Variants in NBAS observed in about 807,000 individuals in gnomAD.
NBAS encodes the protein NBAS subunit of NRZ tethering complex, also known as NAG/BC035112 fusion.
A neutral mutation model predicts 302.5 loss-of-function variants in NBAS; 219 were observed. The observed-to-expected ratio is 0.72, with a 90% CI of 0.65 to 0.81. NBAS has a LOEUF of 0.81. NBAS is among the 30% of genes least tolerant of loss of function. The probability of loss-of-function intolerance (pLI) is 0.00; values close to 1 mark genes in which losing one functional copy is unlikely to be tolerated. For synonymous variants in NBAS, 1,118 were observed against 1,021.6 expected (o/e 1.09, Z -1.80); for missense variants, 2,932 against 2,841.6 (o/e 1.03, Z -0.72).
chr2:15,175,552 TAGAG>T (rs1241779644), intron 51 of NBAS, among the ~76,000 whole-genome samples: 1 of 152,206 alleles, frequency 6.6e-6, no homozygotes, highest in Non-Finnish European at 1.5e-5. Context: ...TTGCCCATCT[TAGAG>T]AGAATACGGT....
chr2:15,297,304 G>A (rs529019479), intron 40 of NBAS, among the ~76,000 whole-genome samples: 1 of 152,222 alleles, frequency 6.6e-6, no homozygotes, highest in South Asian at 2.1e-4. Context: ...AAAATACAAG[G>A]CTCTTGATTG....
chr2:15,216,859 A>T (rs1213020824), intron 48 of NBAS, among the ~76,000 whole-genome samples: 1 of 152,248 alleles, frequency 6.6e-6, no homozygotes, highest in East Asian at 1.9e-4. Context: ...CAGAGAAATC[A>T]GCCTCATCAT....
chr2:15,264,070 G>A (rs527995810), intron 44 of NBAS, among the ~76,000 whole-genome samples: 13 of 152,290 alleles, frequency 8.5e-5, no homozygotes, highest in East Asian at 3.9e-4. Context: ...GAGCTTATAC[G>A]ATGAAGAAAG....
chr2:15,350,448 A>G (rs1338056747), intron 35 of NBAS, among the ~76,000 whole-genome samples: 1 of 152,190 alleles, frequency 6.6e-6, no homozygotes, highest in Admixed American at 6.5e-5. Context: ...TCTAGCTGGG[A>G]TGTCAGAAAC....
At chr2:15,296,415 A>G (rs922868675) in intron 40 of NBAS, among the ~76,000 whole-genome samples, 7 of 152,062 alleles carry the variant, frequency 4.6e-5, no homozygotes, top group African/African-American at 1.4e-4. Context: ...GGTGGCACTC[A>G]CCTGTAGTCC....
At chr2:14,783,318 T>TA in the NBAS span, among the ~76,000 whole-genome samples, 384 of 151,620 alleles carry the variant, frequency 2.5e-3, 2 homozygotes, top group African/African-American at 8.8e-3. Flanking sequence ...AATTCTTTTT[T>TA]TTATTATTAT....
At chr2:14,790,937 C>A in the NBAS span, among the ~76,000 whole-genome samples, 1 of 152,170 alleles carries the variant, frequency 6.6e-6, no homozygotes, top group Non-Finnish European at 1.5e-5. Flanking sequence ...CTCACAGCAA[C>A]CTCCACCTCT....
chr2:15,467,748 G>A lies in NBAS; in HGVS notation c.1934C>T (p.Pro645Leu). Reference sequence around the variant, plus strand: ...ATTCTTGGCAGGCTCTTCATCAGGTGGTGAAAGCTCTTCATAGGAGATACT... The same window carrying A: ...ATTCTTGGCAGGCTCTTCATCAGGTAGTGAAAGCTCTTCATAGGAGATACT... ...IDSISYEELS[P>L]PDEEPAKNKK... Residue 645 changes from proline to leucine, a missense_variant, in exon 18 of 52, where the codon CCA becomes CTA. Pro to Leu is a moderately conservative substitution (Grantham distance 98, BLOSUM62 -3). Coordinates refer to ENST00000281513, the MANE Select transcript of NBAS (RefSeq NM_015909.4). 2 of 1,603,376 alleles carry A rather than the reference G, an allele frequency of 1.2e-6. No homozygotes were observed. Among genetic ancestry groups the A allele is most frequent in the Non-Finnish European group, 1.7e-6 (2 of 1,170,600 alleles).
chr2:15,553,926 T>C, intron 4 of NBAS, 135 bp downstream of exon 4: 1 of 661,480 alleles, frequency 1.5e-6, no homozygotes, highest in Admixed American at 2.4e-5. Context: ...TAAACAATAC[T>C]AAATATTTGC....
At chr2:15,334,948 C>G (rs1004938347) in intron 35 of NBAS, among the ~76,000 whole-genome samples, 2 of 152,202 alleles carry the variant, frequency 1.3e-5, no homozygotes, top group Non-Finnish European at 2.9e-5. Flanking sequence ...CTTGCAGCAG[C>G]ATAAATTAAT....
the NBAS span, among the ~76,000 whole-genome samples, chr2:14,915,094 T>C: frequency 6.6e-6 from 1 of 152,238 alleles, no homozygotes; most frequent in African/African-American, 2.4e-5. Context: ...GCACCAAGGC[T>C]TCCAGTGAAG....
intron 21 of NBAS, among the ~76,000 whole-genome samples, chr2:15,439,232 G>T (rs1435357413): frequency 7.3e-5 from 11 of 151,684 alleles, no homozygotes; most frequent in Non-Finnish European, 1.5e-4. Flanking sequence ...GAACCGGGAG[G>T]TGGGGCTTGC....
chr2:15,517,702 T>C (rs539660160), intron 9 of NBAS, among the ~76,000 whole-genome samples: 1 of 152,290 alleles, frequency 6.6e-6, no homozygotes, highest in South Asian at 2.1e-4. Flanking sequence ...AAAAAGGGTG[T>C]TTTATACATG....
chr2:15,133,267 G>A, the NBAS span, among the ~76,000 whole-genome samples: 16 of 151,464 alleles, frequency 1.1e-4, no homozygotes, highest in Admixed American at 5.2e-4. Context: ...ACTCCTAGAC[G>A]TACACATGAG....
At chr2:15,071,361 C>T in the NBAS span, among the ~76,000 whole-genome samples, 4 of 152,112 alleles carry the variant, frequency 2.6e-5, no homozygotes, top group African/African-American at 7.2e-5. Context: ...CGCGGTGGCT[C>T]GCGCCTGTAA....
chr2:15,554,002 CA>C, intron 4 of NBAS, 58 bp downstream of exon 4: 8 of 1,429,046 alleles, frequency 5.6e-6, no homozygotes, highest in Non-Finnish European at 7.9e-6. Flanking sequence ...AATTAACGTC[CA>C]TAATGAAATG....
chr2:15,230,982 T>C (rs1247499049), intron 47 of NBAS, among the ~76,000 whole-genome samples: 2 of 152,214 alleles, frequency 1.3e-5, no homozygotes, highest in Non-Finnish European at 1.5e-5. Context: ...TCACCCCTTG[T>C]GTATCCTGCC....
At chr2:15,379,397 G>A (rs1458106798) in intron 30 of NBAS, among the ~76,000 whole-genome samples, 5 of 42,858 alleles carry the variant, frequency 1.2e-4, no homozygotes, top group African/African-American at 3.0e-4. Context: ...ATGGGAAAGC[G>A]CGCTGGAGAA....
rs1047935421 is a variant in NBAS, at chr2:15,454,682, T to C, written c.2339+6519A>G. Among the ~76,000 whole-genome samples, 5 of 152,256 alleles carry C rather than the reference T, an allele frequency of 3.3e-5. No individual in the cohort carries two copies. In the East Asian group the frequency reaches 9.7e-4, roughly 29 times the overall value. Reference sequence around the variant, plus strand: ...TCAAACATCTACCAGCTACTTCAGTTCACCAAGTGTGTGAGAAGCAACTCC... The same window carrying C: ...TCAAACATCTACCAGCTACTTCAGTCCACCAAGTGTGTGAGAAGCAACTCC... On this transcript the variant is annotated intron_variant, in intron 21 of 51. Transcript: ENST00000281513.
Sources: allele counts gnomAD v4.1 joint callset (sites outside exome capture counted in the v4.1 genomes callset), GRCh38; gene constraint gnomAD v4.1.1; transcripts MANE v1.5; gene names NCBI Gene and HGNC (gene_info 2026-07-23, HGNC 2026-07-21).